FLYWCH1: variants seen among roughly 807,000 people sequenced by gnomAD.
FLYWCH1 encodes the protein FLYWCH-type zinc finger-containing protein 1.
Under a neutral mutation model 66.4 loss-of-function variants are expected in FLYWCH1, and 75 were observed. The ratio of observed to expected loss-of-function variants is 1.13; its 90% CI spans 0.94 to 1.37. FLYWCH1 has a LOEUF of 1.37. FLYWCH1 is among the 40% of genes most tolerant of loss of function. The pLI is 0.00. For synonymous variants in FLYWCH1, 595 were observed against 429.9 expected, an observed-to-expected ratio of 1.38 and a Z score of -4.75; for missense variants, 1,334 against 1,001.8, an observed-to-expected ratio of 1.33 and a Z score of -4.48.
intron 2 of FLYWCH1, among the ~76,000 whole-genome samples, chr16:2,926,666 C>G (rs1352098631): frequency 6.6e-6 from 1 of 152,176 alleles, no homozygotes; most frequent in Non-Finnish European, 1.5e-5. Context: ...GGTGCCGCTC[C>G]AAAATCTATT....
rs2070723012 is a variant in FLYWCH1, at chr16:2,930,498, A to C, written c.414A>C (p.Ala138=). The C allele has an allele frequency of 6.5e-7, 1 of 1,533,614 alleles. No individual in the cohort carries two copies. ...CCTTCCTGTACAAGCAGGAGAAGGCAGTGGGGGACAAGGTGTACTGGAAGT... is the reference window on the plus strand; with the variant it reads ...CCTTCCTGTACAAGCAGGAGAAGGCCGTGGGGGACAAGGTGTACTGGAAGT... The part of the protein sequence containing the change: ...LESFLYKQEK[A]VGDKVYWKCR... Residue 138 remains alanine (A), a synonymous_variant, in exon 4 of 10, where the codon GCA becomes GCC. Transcript: ENST00000253928.
At position 2,933,522 on chromosome 16, in the gene FLYWCH1, C is replaced by G. The variant is rs753306870; in HGVS notation, c.1189C>G (p.Gln397Glu). ...RPRKRAKVED[Q>E]ELPTQPEAPD... The stretch of plus-strand genomic sequence containing the variant: ...CAGAAAGCGAGCAAAGGTCGAAGAC[C>G]AGGAGCTGCCAACCCAGCCCGAGGC... The change falls in exon 5 of 10, where the codon CAG (glutamine) becomes GAG (glutamate). Residue 397 changes from glutamine (Q) to glutamate (E), a missense_variant. Gln to Glu is a conservative substitution (Grantham distance 29). Transcript: ENST00000253928. 1.2e-6 allele frequency: 2 copies of G among 1,611,438 alleles called. No homozygotes were observed. Among genetic ancestry groups the G allele is most frequent in the Non-Finnish European group, 1.7e-6 (2 of 1,178,916 alleles).
At chr16:2,920,525 A>C (rs555321843) in intron 2 of FLYWCH1, among the ~76,000 whole-genome samples, 57 of 151,538 alleles carry the variant, frequency 3.8e-4, no homozygotes, top group Non-Finnish European at 7.2e-4. Flanking sequence ...AAAAAAAAAA[A>C]ACACTTTTCC....
chr16:2,933,560 C>G lies in FLYWCH1; in HGVS notation c.1227C>G (p.His409Gln), dbSNP rs375241000. The part of the protein sequence containing the change: ...LPTQPEAPDE[H>Q]QDMDADPGGP... ...CCCAGCCCGAGGCCCCAGACGAGCA[C>G]CAGGACATGGACGCAGACCCGGGTG... Residue 409 changes from histidine to glutamine, a missense_variant, in exon 5 of 10, where the codon CAC becomes CAG. Transcript: ENST00000253928. 5.6e-6 allele frequency: 9 copies of G among 1,601,922 alleles called. No individual in the cohort carries two copies. In the African/African-American group the frequency reaches 8.1e-5, roughly 14 times the overall value.
At position 2,950,816 on chromosome 16, in the gene FLYWCH1, A is replaced by G. The variant is rs933411727; in HGVS notation, c.*2089A>G. Reference sequence around the variant, plus strand: ...CGCGTTGCTGGGCTGAGATTCTCCAATGGACGTGAATTTAGATGATGCTGT... The same window carrying G: ...CGCGTTGCTGGGCTGAGATTCTCCAGTGGACGTGAATTTAGATGATGCTGT... On this transcript the variant is annotated 3_prime_UTR_variant, in exon 10 of 10. Coordinates refer to ENST00000253928, the MANE Select transcript of FLYWCH1 (RefSeq NM_001308068.2). 2.6e-5 allele frequency: 4 copies of G among 152,294 alleles called. No individual in the cohort carries two copies. The highest frequency in any genetic ancestry group is 7.2e-5 in the African/African-American group (3 of 41,470). 9.4% of individuals were successfully genotyped at this position (152,294 alleles called of 1,614,324 possible).
Position 2,948,993 on chromosome 16 carries a change from G to A in FLYWCH1, c.*266G>A, listed in dbSNP as rs1001802037. ...GGTGGCGCCTTCCTGACCTTTGGAAGACATGACAAAGCTGCCTGGACACGG... is the reference window on the plus strand; with the variant it reads ...GGTGGCGCCTTCCTGACCTTTGGAAAACATGACAAAGCTGCCTGGACACGG... On this transcript the variant is annotated 3_prime_UTR_variant, in exon 10 of 10. Coordinates refer to ENST00000253928, the MANE Select transcript of FLYWCH1 (RefSeq NM_001308068.2). 1.4e-5 allele frequency: 7 copies of A among 501,602 alleles called. No homozygotes were observed. Among genetic ancestry groups the A allele is most frequent in the African/African-American group, 3.9e-5 (2 of 51,490 alleles). The allele number at this position is 501,602 out of a possible 1,614,324, so 31.1% of individuals were successfully genotyped here.
chr16:2,933,348 G>T lies in FLYWCH1; in HGVS notation c.1015G>T (p.Glu339Ter). 1 of 1,605,542 alleles carries T rather than the reference G, an allele frequency of 6.2e-7. No homozygotes were observed. Among genetic ancestry groups the T allele is most frequent in the South Asian group, 1.1e-5 (1 of 89,840 alleles). The change falls in exon 5 of 10, where the codon GAA becomes TAA. Residue 339 changes from glutamate to a stop codon, truncating the protein, a stop_gained. Coordinates refer to ENST00000253928, the MANE Select transcript of FLYWCH1 (RefSeq NM_001308068.2). LOFTEE classifies it high-confidence loss of function. Reference protein sequence around the residue: ...HCHQPDMEGLEARRQQEKAVE... With the variant: ...HCHQPDMEGL ...CCACCAGCCCGATATGGAGGGCCTG[G>T]AAGCCCGGCGGCAGCAGGAGAAGGC...
chr16:2,947,555 G>GT (rs2071535404), intron 9 of FLYWCH1, among the ~76,000 whole-genome samples: 1 of 152,158 alleles, frequency 6.6e-6, no homozygotes, highest in Non-Finnish European at 1.5e-5. Flanking sequence ...GAGTTCAGGA[G>GT]TTTGAGACCA....
At chr16:2,937,079 A>G (rs1478602391) in intron 6 of FLYWCH1, 42 bp from the exon 7 acceptor site, 9 of 1,552,102 alleles carry the variant, frequency 5.8e-6, no homozygotes, top group Non-Finnish European at 7.8e-6. Flanking sequence ...CTGGGCTCTG[A>G]GAGCTGGTGT....
In FLYWCH1 at chr16:2,948,680, G is replaced by A; in HGVS notation, c.2112-8G>A. On this transcript the variant is annotated splice_polypyrimidine_tract_variant and splice_region_variant and intron_variant, in intron 9 of 9. Transcript: ENST00000253928. The stretch of plus-strand genomic sequence containing the variant: ...GTGTGCAATGAACATGTGTCTCTTT[G>A]TAATTAGGGACATCAAAGACGTCAG... 1.9e-6 allele frequency: 3 copies of A among 1,613,570 alleles called. No individual in the cohort carries two copies. Among genetic ancestry groups the A allele is most frequent in the Non-Finnish European group, 2.5e-6 (3 of 1,179,540 alleles).
chr16:2,936,096 A>G (rs1567342093), intron 6 of FLYWCH1: 7 of 252,046 alleles, frequency 2.8e-5, no homozygotes, highest in Non-Finnish European at 5.6e-5. Context: ...TTTTTTTAGT[A>G]GAGATGGGGT....
At position 2,933,864 on chromosome 16, in the gene FLYWCH1, C is replaced by T. The variant is rs757902556; in HGVS notation, c.1398C>T (p.Thr466=). The change falls in exon 6 of 10, where the codon ACC becomes ACT. Residue 466 remains threonine (T), a synonymous_variant. Transcript: ENST00000253928. The part of the protein sequence containing the change: ...ARMGCRSRAI[T]QGRRVTVMRG... Reference sequence around the variant, plus strand: ...TGGGCTGCCGCAGCCGCGCCATCACCCAGGGCCGACGGGTGACTGTCATGC... The same window carrying T: ...TGGGCTGCCGCAGCCGCGCCATCACTCAGGGCCGACGGGTGACTGTCATGC... The T allele has an allele frequency of 6.2e-6, 10 of 1,602,632 alleles. No individual in the cohort carries two copies. The highest frequency in any genetic ancestry group is 1.7e-4 in the Middle Eastern group (1 of 5,756).
At chr16:2,912,539 C>G (rs2070025869) in intron 1 of FLYWCH1, among the ~76,000 whole-genome samples, 1 of 152,212 alleles carries the variant, frequency 6.6e-6, no homozygotes, top group African/African-American at 2.4e-5. Flanking sequence ...CCGCTTCTGA[C>G]CCTATAGATC....
intron 4 of FLYWCH1, among the ~76,000 whole-genome samples, chr16:2,932,367 G>A (rs1355773030): frequency 1.3e-5 from 2 of 150,614 alleles, no homozygotes; most frequent in African/African-American, 4.9e-5. Flanking sequence ...TGGTAGCTCT[G>A]TAGCCTCAGA....
intron 2 of FLYWCH1, among the ~76,000 whole-genome samples, chr16:2,921,812 C>G (rs2070384264): frequency 6.6e-6 from 1 of 152,104 alleles, no homozygotes; most frequent in Non-Finnish European, 1.5e-5. Flanking sequence ...ACCTGTAATC[C>G]CAGCACTTTG....
chr16:2,925,638 G>C (rs2070539846), intron 2 of FLYWCH1, among the ~76,000 whole-genome samples: 1 of 151,904 alleles, frequency 6.6e-6, no homozygotes, highest in Admixed American at 6.6e-5. Flanking sequence ...CTCTGCTCGA[G>C]AGGCGCCTGC....
At chr16:2,930,357 G>A in intron 3 of FLYWCH1, 53 bp from the exon 4 acceptor site, 1 of 1,184,318 alleles carries the variant, frequency 8.4e-7, no homozygotes, top group Non-Finnish European at 1.2e-6. Flanking sequence ...CTCTGTGCCT[G>A]CGACCCTGAG....
intron 9 of FLYWCH1, among the ~76,000 whole-genome samples, chr16:2,944,572 C>A (rs987318164): frequency 3.3e-5 from 5 of 152,124 alleles, no homozygotes; most frequent in African/African-American, 1.2e-4. Context: ...CCTATAATCC[C>A]AGCACTTTGG....
chr16:2,943,555 A>G (rs1037797318), intron 9 of FLYWCH1: 4 of 151,590 alleles, frequency 2.6e-5, no homozygotes, highest in African/African-American at 9.7e-5. Flanking sequence ...ACATTTGACA[A>G]CCTCCAACAC....
Sources: gnomAD v4.1 joint callset for allele counts (sites outside exome capture counted in the v4.1 genomes callset) on GRCh38, gnomAD v4.1.1 for gene constraint, MANE v1.5 for transcripts, NCBI Gene and HGNC (gene_info 2026-07-23, HGNC 2026-07-21) for gene names.